Variants in SCAI observed in about 807,000 individuals in gnomAD.
SCAI encodes the protein protein SCAI.
SCAI carries 24 observed loss-of-function variants against 92.2 expected under a neutral mutation model. That is an observed-to-expected ratio of 0.26 (90% CI 0.19 to 0.37). SCAI has a LOEUF of 0.37. Among genes scored for constraint, SCAI ranks in the 10% least tolerant of loss-of-function variants. The pLI is 1.00. For synonymous variants in SCAI, 261 were observed against 258.6 expected, an observed-to-expected ratio of 1.01 and a Z score of -0.09; for missense variants, 450 against 736.2, an observed-to-expected ratio of 0.61 and a Z score of 4.50.
At chr9:125,031,280 A>G (rs1348447794) in intron 3 of SCAI, among the ~76,000 whole-genome samples, 12 of 148,538 alleles carry the variant, frequency 8.1e-5, no homozygotes, top group African/African-American at 2.5e-4. Context: ...TTTTTTTTTG[A>G]GATGGAGTCG....
At chr9:125,090,183 A>G (rs753342589) in intron 2 of SCAI, among the ~76,000 whole-genome samples, 1 of 152,218 alleles carries the variant, frequency 6.6e-6, no homozygotes, top group Non-Finnish European at 1.5e-5. Flanking sequence ...TAATTAACAA[A>G]TGATGAATAC....
intron 2 of SCAI, among the ~76,000 whole-genome samples, chr9:125,131,316 G>A (rs1199028812): frequency 1.3e-5 from 2 of 151,168 alleles, no homozygotes; most frequent in East Asian, 1.9e-4. Flanking sequence ...GCTGAGGAGG[G>A]AGAATCGCTG....
At chr9:125,008,758 A>C (rs1471953624) in intron 9 of SCAI, among the ~76,000 whole-genome samples, 1 of 152,196 alleles carries the variant, frequency 6.6e-6, no homozygotes, top group Non-Finnish European at 1.5e-5. Context: ...CTAGAAGTGG[A>C]GCAGAGAAAG....
At chr9:125,021,858 AGCCTTCTGAGTAGCTG>A (rs1588157489) in intron 6 of SCAI, among the ~76,000 whole-genome samples, 1 of 152,142 alleles carries the variant, frequency 6.6e-6, no homozygotes, top group East Asian at 1.9e-4. Context: ...CTCTTGCCTC[AGCCTTCTGAGTAGCTG>A]GCCTGCAAAT....
rs1831241515 is a variant in SCAI, at chr9:124,951,997, T to C, written c.*810A>G. On this transcript the variant is annotated 3_prime_UTR_variant, in exon 18 of 18. Transcript: ENST00000336505. ...CTTTATGTCACAGACATCAATCCAG[T>C]CTTTAAATGTGATCTCATAAACCAA... The C allele has an allele frequency of 6.6e-6, 1 of 152,232 alleles. No individual in the cohort carries two copies. The allele number at this position is 152,232 out of a possible 1,614,324, so 9.4% of individuals were successfully genotyped here.
intron 2 of SCAI, among the ~76,000 whole-genome samples, chr9:125,108,768 C>G (rs2131227645): frequency 6.6e-6 from 1 of 152,028 alleles, no homozygotes; most frequent in Non-Finnish European, 1.5e-5. Flanking sequence ...GCCGCCCCGT[C>G]CGGGAGGTGG....
intron 2 of SCAI, among the ~76,000 whole-genome samples, chr9:125,090,128 C>G (rs568243348): frequency 3.4e-4 from 52 of 152,292 alleles, no homozygotes; most frequent in African/African-American, 1.3e-3. Flanking sequence ...ACAACAACCC[C>G]CTTCAGCACA....
chr9:125,120,761 C>T (rs963300898), intron 2 of SCAI, among the ~76,000 whole-genome samples: 1 of 152,160 alleles, frequency 6.6e-6, no homozygotes, highest in Admixed American at 6.5e-5. Context: ...GTAGTTCCAG[C>T]TACTCAGGAG....
At position 125,042,428 on chromosome 9, in the gene SCAI, C is replaced by T. The variant is rs187589125; in HGVS notation, c.231-12689G>A. On this transcript the variant is annotated intron_variant, in intron 3 of 17. Coordinates refer to ENST00000336505, the MANE Select transcript of SCAI (RefSeq NM_001144877.3). ...ACTGAATTAGCTAAGATCATTGATC[C>T]CTACGTACACCTAAAATCCAAGTCC... Among the ~76,000 whole-genome samples the T allele has an allele frequency of 2.0e-3, 300 of 152,040 alleles. 1 individual carries two copies. The highest frequency in any genetic ancestry group is 6.9e-3 in the African/African-American group (286 of 41,492).
rs535314939 is a variant in SCAI at position 124,976,955 on chromosome 9, G to A, written c.1327-769C>T. 9.2e-5 allele frequency among the ~76,000 whole-genome samples: 14 copies of A among 151,498 alleles called. No individual in the cohort carries two copies. In the East Asian group the frequency reaches 2.5e-3, roughly 27 times the overall value. ...ACGATCTCGGTTCACTGAAACCTCC[G>A]TCTCCCTGGTTCAAGCGATTCTCCT... is the stretch of plus-strand genomic sequence containing the variant. On this transcript the variant is annotated intron_variant, in intron 14 of 17. Coordinates refer to ENST00000336505, the MANE Select transcript of SCAI (RefSeq NM_001144877.3).
chr9:125,135,974 A>AC (rs969791099), intron 2 of SCAI, among the ~76,000 whole-genome samples: 7 of 151,238 alleles, frequency 4.6e-5, no homozygotes, highest in African/African-American at 9.7e-5. Flanking sequence ...TCTCAAACAA[A>AC]AAAAAAAAAA....
Position 124,980,477 on chromosome 9 carries a change from C to T in SCAI, c.1327-4291G>A, listed in dbSNP as rs369381251. On this transcript the variant is annotated intron_variant, in intron 14 of 17. Transcript: ENST00000336505. ...AGCAGAACTGATAAAGAGTGGCTCG[C>T]TGTCCCTAGAATGTGCAAACAAGAT... is the stretch of plus-strand genomic sequence containing the variant. 7.0e-4 allele frequency among the ~76,000 whole-genome samples: 107 copies of T among 152,240 alleles called. 1 individual carries two copies. In the East Asian group the frequency reaches 0.015, roughly 21 times the overall value.
chr9:125,102,557 A>C (rs1834698538), intron 2 of SCAI, among the ~76,000 whole-genome samples: 1 of 151,624 alleles, frequency 6.6e-6, no homozygotes, highest in Non-Finnish European at 1.5e-5. Context: ...CTCAGCCTTC[A>C]AACATGCCAA....
intron 2 of SCAI, among the ~76,000 whole-genome samples, chr9:125,133,528 C>T (rs1053741920): frequency 1.3e-5 from 2 of 152,056 alleles, no homozygotes; most frequent in Non-Finnish European, 2.9e-5. Context: ...ATATGAATGG[C>T]AAATTAGCAC....
chr9:125,031,354 C>T (rs1277402679), intron 3 of SCAI, among the ~76,000 whole-genome samples: 1 of 152,034 alleles, frequency 6.6e-6, no homozygotes, highest in African/African-American at 2.4e-5. Flanking sequence ...CTCCTCCTCC[C>T]AGGTTCATGC....
intron 9 of SCAI, among the ~76,000 whole-genome samples, chr9:125,013,097 C>T (rs1832673124): frequency 2.0e-5 from 3 of 152,024 alleles, no homozygotes; most frequent in Admixed American, 6.6e-5. Flanking sequence ...AAAATTGACA[C>T]CCTAACATCA....
At chr9:125,113,367 T>C (rs1238084345) in intron 2 of SCAI, among the ~76,000 whole-genome samples, 1 of 152,114 alleles carries the variant, frequency 6.6e-6, no homozygotes, top group Non-Finnish European at 1.5e-5. Context: ...TACAAAATAT[T>C]TGACCAATGC....
At chr9:125,109,132 G>C (rs1834879828) in intron 2 of SCAI, among the ~76,000 whole-genome samples, 1 of 152,096 alleles carries the variant, frequency 6.6e-6, no homozygotes, top group African/African-American at 2.4e-5. Flanking sequence ...TGCAAGATGT[G>C]CTTTCTTAAA....
At chr9:125,075,411 CT>C (rs1457836094) in intron 2 of SCAI, among the ~76,000 whole-genome samples, 153 of 144,392 alleles carry the variant, frequency 1.1e-3, no homozygotes, top group Middle Eastern at 3.6e-3. Flanking sequence ...TTCATTCTTT[CT>C]TTTTTTTTTT....
Sources: gnomAD v4.1 joint callset for allele counts (sites outside exome capture counted in the v4.1 genomes callset) on GRCh38, gnomAD v4.1.1 for gene constraint, MANE v1.5 for transcripts, NCBI Gene and HGNC (gene_info 2026-07-23, HGNC 2026-07-21) for gene names.